Variants in RPL13A observed in about 807,000 individuals in gnomAD.
RPL13A encodes the protein large ribosomal subunit protein uL13.
Under a neutral mutation model 30.8 loss-of-function variants are expected in RPL13A, and 4 were observed. That is an observed-to-expected ratio of 0.13 (90% CI 0.06 to 0.30). The LOEUF is 0.30. RPL13A is among the 10% of genes least tolerant of loss of function. RPL13A has a pLI of 1.00. For synonymous variants in RPL13A, 108 were observed against 104.2 expected, an observed-to-expected ratio of 1.04 and a Z score of -0.22; for missense variants, 196 against 272.6, an observed-to-expected ratio of 0.72 and a Z score of 1.98.
intron 6 of RPL13A, 113 bp downstream of exon 6, chr19:49,491,212 G>A (rs2079864594): frequency 5.9e-6 from 8 of 1,362,974 alleles, no homozygotes; most frequent in Non-Finnish European, 8.3e-6. Context: ...GTCTGCGGAT[G>A]TCCCTGTGGG....
chr19:49,488,788 C>T (rs1171354404), intron 1 of RPL13A, among the ~76,000 whole-genome samples: 1 of 152,252 alleles, frequency 6.6e-6, no homozygotes, highest in Non-Finnish European at 1.5e-5. Context: ...TCATTGCAAC[C>T]TCTGCTTCCC....
chr19:49,491,408 C>CA lies in RPL13A; in HGVS notation c.403-17_403-16insA. On this transcript the variant is annotated splice_polypyrimidine_tract_variant and intron_variant, in intron 6 of 7. Transcript: ENST00000391857. ...CTTACAACTTCATTTGTTCACCCCC[C>CA]CCCCCCCCCCCCGCAGTTTGCCTAT... 1 of 429,386 alleles carries CA rather than the reference C, an allele frequency of 2.3e-6. No individual in the cohort carries two copies. The highest frequency in any genetic ancestry group is 3.8e-6 in the Non-Finnish European group (1 of 262,298). The allele number at this position is 429,386 out of a possible 1,614,324, so 26.6% of individuals were successfully genotyped here.
rs778370378 is a variant in RPL13A at position 49,490,216 on chromosome 19, C to T, written c.89-16C>T. Reference sequence around the variant, plus strand: ...CTCAGGCGGCTCGGCCCTGCTAAGCCTTTCCCTCCCTCTAGGCCGGAAGGT... The same window carrying T: ...CTCAGGCGGCTCGGCCCTGCTAAGCTTTTCCCTCCCTCTAGGCCGGAAGGT... On this transcript the variant is annotated splice_polypyrimidine_tract_variant and intron_variant, in intron 2 of 7. Coordinates refer to ENST00000391857, the MANE Select transcript of RPL13A (RefSeq NM_012423.4). The T allele has an allele frequency of 1.2e-5, 19 of 1,613,718 alleles. No individual in the cohort carries two copies. Among genetic ancestry groups the T allele is most frequent in the African/African-American group, 4.0e-5 (3 of 74,916 alleles).
intron 3 of RPL13A, 47 bp from the exon 4 acceptor site, chr19:49,490,428 G>T: frequency 6.2e-7 from 1 of 1,603,896 alleles, no homozygotes; most frequent in Non-Finnish European, 8.5e-7. Context: ...TGGGGTTTTG[G>T]GGGTGCTGGT....
chr19:49,490,930 C>T (rs759983666), intron 5 of RPL13A, 66 bp downstream of exon 5: 21 of 1,604,398 alleles, frequency 1.3e-5, no homozygotes, highest in African/African-American at 2.7e-5. Flanking sequence ...CCGCAACTAC[C>T]TACATTGTTT....
At chr19:49,488,123 C>T (rs939962907) in intron 1 of RPL13A, among the ~76,000 whole-genome samples, 2 of 152,190 alleles carry the variant, frequency 1.3e-5, no homozygotes, top group Admixed American at 6.5e-5. Context: ...TCGGGGTCCC[C>T]TGCAGCTCCG....
chr19:49,489,769 A>G (rs887158935), intron 1 of RPL13A, 81 bp from the exon 2 acceptor site: 6 of 1,170,414 alleles, frequency 5.1e-6, no homozygotes, highest in Non-Finnish European at 7.7e-6. Flanking sequence ...GCACGGTAGG[A>G]CAAAAGAAGG....
intron 1 of RPL13A, among the ~76,000 whole-genome samples, chr19:49,489,092 G>T (rs760592517): frequency 6.6e-6 from 1 of 152,180 alleles, no homozygotes; most frequent in South Asian, 2.1e-4. Context: ...AGCTAGCATG[G>T]GCTTTTGACT....
rs769085628 is a variant in RPL13A at position 49,491,220 on chromosome 19, G to A, written c.402+121G>A. On this transcript the variant is annotated intron_variant, in intron 6 of 7. Coordinates refer to ENST00000391857, the MANE Select transcript of RPL13A (RefSeq NM_012423.4). ...CACGATGGTCTGCGGATGTCCCTGTGGGAATGGCGACAATGCCAATGGCTT... is the reference window on the plus strand; with the variant it reads ...CACGATGGTCTGCGGATGTCCCTGTAGGAATGGCGACAATGCCAATGGCTT... The A allele has an allele frequency of 2.3e-6, 3 of 1,317,100 alleles. No individual in the cohort carries two copies. The African/African-American group carries it at 4.3e-5, about 19-fold the overall frequency. The allele number at this position is 1,317,100 out of a possible 1,614,324, so 81.6% of individuals were successfully genotyped here.
At chr19:49,487,884 C>G (rs1259979549) in intron 1 of RPL13A, among the ~76,000 whole-genome samples, 1 of 152,170 alleles carries the variant, frequency 6.6e-6, no homozygotes, top group Non-Finnish European at 1.5e-5. Flanking sequence ...CAGCACAGGA[C>G]AGGTATTTTG....
At chr19:49,489,064 C>CA (rs888212931) in intron 1 of RPL13A, among the ~76,000 whole-genome samples, 8 of 152,222 alleles carry the variant, frequency 5.3e-5, no homozygotes, top group Non-Finnish European at 8.8e-5. Context: ...CCGGGGAAAG[C>CA]AGAGTGCTCT....
chr19:49,491,668 C>A lies in RPL13A; in HGVS notation c.526-61C>A, dbSNP rs1405578362. ...AGCCGGGGTTGGGGTGGGATGCAGT[C>A]CATGTAATGAGGGCAATGCAACCCC... On this transcript the variant is annotated intron_variant, in intron 7 of 7. Transcript: ENST00000391857. The A allele has an allele frequency of 5.7e-6, 9 of 1,583,026 alleles. No individual in the cohort carries two copies. The East Asian group carries it at 2.0e-4, about 36-fold the overall frequency.
At chr19:49,490,056 C>G in intron 2 of RPL13A, 134 bp downstream of exon 2, 2 of 1,009,194 alleles carry the variant, frequency 2.0e-6, no homozygotes, top group East Asian at 4.7e-5. Flanking sequence ...CTGCCAGCCA[C>G]TCTTCCCCAG....
At chr19:49,489,296 G>C (rs143364801) in intron 1 of RPL13A, among the ~76,000 whole-genome samples, 2 of 152,218 alleles carry the variant, frequency 1.3e-5, no homozygotes, top group Non-Finnish European at 2.9e-5. Flanking sequence ...AGGAGTACAA[G>C]AGCAGCCTAG....
chr19:49,490,567 A>G lies in RPL13A; in HGVS notation c.247A>G (p.Thr83Ala). ...FRAPSRIFWRTVRGMLPHKTK... is the reference protein window; with the variant it reads ...FRAPSRIFWRAVRGMLPHKTK... ...GGCCCCCAGCCGCATCTTCTGGCGG[A>G]CCGTGCGAGGTGAGCAGAGCGTGGG... The change falls in exon 4 of 8, where the codon ACC becomes GCC. Residue 83 changes from threonine to alanine, a missense_variant. Transcript: ENST00000391857. 6.2e-7 allele frequency: 1 copy of G among 1,614,144 alleles called. No homozygotes were observed. Among genetic ancestry groups the G allele is most frequent in the South Asian group, 1.1e-5 (1 of 91,084 alleles).
intron 1 of RPL13A, among the ~76,000 whole-genome samples, chr19:49,489,245 G>A (rs567349420): frequency 2.3e-4 from 35 of 152,210 alleles, no homozygotes; most frequent in African/African-American, 7.7e-4. Context: ...CCTGTAATCC[G>A]AGCATTTTGG....
At chr19:49,488,538 T>A (rs1053295674) in intron 1 of RPL13A, among the ~76,000 whole-genome samples, 11 of 152,342 alleles carry the variant, frequency 7.2e-5, no homozygotes, top group African/African-American at 2.4e-4. Flanking sequence ...GTTACTGGTA[T>A]CCTTGTTTTA....
Position 49,490,756 on chromosome 19 carries a change from G to T in RPL13A, c.257-23G>T, listed in dbSNP as rs754356589. The T allele has an allele frequency of 3.1e-5, 50 of 1,613,876 alleles. No individual in the cohort carries two copies. The Admixed American group carries it at 8.2e-4, about 26-fold the overall frequency. ...CATCCTTATGAGGCCCTCTGACTGG[G>T]CCTGCTATCTGTCACCCAACAGGTA... is the stretch of plus-strand genomic sequence containing the variant. On this transcript the variant is annotated intron_variant, in intron 4 of 7. Transcript: ENST00000391857.
chr19:49,490,181 T>G, intron 2 of RPL13A, 51 bp from the exon 3 acceptor site: 1 of 1,557,896 alleles, frequency 6.4e-7, no homozygotes, highest in Admixed American at 1.7e-5. Flanking sequence ...GCATAGGCAG[T>G]GGTGGGACCC....
Sources: gnomAD v4.1 joint callset for allele counts (sites outside exome capture counted in the v4.1 genomes callset) on GRCh38, gnomAD v4.1.1 for gene constraint, MANE v1.5 for transcripts, NCBI Gene and HGNC (gene_info 2026-07-23, HGNC 2026-07-21) for gene names.